The following APLP2 variants were observed in gnomAD, a reference collection of about 807,000 sequenced individuals.
APLP2 encodes CDEI box-binding protein.
In APLP2, 53 loss-of-function variants were observed where a neutral mutation model predicts 89.9. The observed-to-expected ratio is 0.59, with a 90% confidence interval of 0.47 to 0.74. The LOEUF (loss-of-function observed/expected upper bound fraction) is 0.74. APLP2 is among the 30% of genes least tolerant of loss of function. The probability of loss-of-function intolerance (pLI) is 0.00; values close to 1 mark genes in which losing one functional copy is unlikely to be tolerated. For missense variants in APLP2, 973 were observed against 975.9 expected (o/e 1.00, Z 0.04); for synonymous variants, 372 against 348.6 (o/e 1.07, Z -0.75).
intron 1 of APLP2, among the ~76,000 whole-genome samples, chr11:130,093,851 C>A (rs555744321): frequency 7.6e-4 from 115 of 152,196 alleles, no homozygotes; most frequent in African/African-American, 2.7e-3. Context: ...TCAAGCTATG[C>A]TCCTGCCTCA....
At chr11:130,134,116 C>T (rs1446103846) in intron 12 of APLP2, among the ~76,000 whole-genome samples, 1 of 152,170 alleles carries the variant, frequency 6.6e-6, no homozygotes, top group Non-Finnish European at 1.5e-5. Flanking sequence ...TTCATTTATT[C>T]AACAAGTTTT....
At chr11:130,135,092 G>A (rs535484508) in intron 12 of APLP2, among the ~76,000 whole-genome samples, 1 of 150,598 alleles carries the variant, frequency 6.6e-6, no homozygotes, top group Admixed American at 6.6e-5. Context: ...TTGTAGTTAC[G>A]TGGGGTGGAT....
intron 7 of APLP2, among the ~76,000 whole-genome samples, chr11:130,126,388 G>A (rs934517606): frequency 2.6e-5 from 4 of 152,144 alleles, no homozygotes; most frequent in African/African-American, 4.8e-5. Flanking sequence ...TCCAGGGTTC[G>A]AGCACTGAAG....
intron 3 of APLP2, among the ~76,000 whole-genome samples, chr11:130,117,120 G>A (rs772667971): frequency 3.6e-4 from 54 of 151,898 alleles, no homozygotes; most frequent in Non-Finnish European, 4.4e-4. Context: ...GATGGTGTGA[G>A]ACTCCATCTT....
intron 1 of APLP2, among the ~76,000 whole-genome samples, chr11:130,104,628 T>G (rs962935173): frequency 6.6e-6 from 1 of 152,172 alleles, no homozygotes; most frequent in Non-Finnish European, 1.5e-5. Flanking sequence ...TACCTATGAA[T>G]AGGTGTGTGT....
intron 1 of APLP2, 174 bp from the exon 2 acceptor site, chr11:130,109,255 C>T (rs2054250): frequency 0.036 from 17,659 of 491,962 alleles, 1,435 homozygotes; most frequent in East Asian, 0.22. Context: ...CATACACATC[C>T]AGAAGTCACT....
Position 130,109,419 on chromosome 11 carries a change from C to G in APLP2, c.106-10C>G. The G allele has an allele frequency of 6.2e-7, 1 of 1,601,786 alleles. No homozygotes were observed. Among genetic ancestry groups the G allele is most frequent in the Non-Finnish European group, 8.5e-7 (1 of 1,174,998 alleles). On this transcript the variant is annotated splice_polypyrimidine_tract_variant and intron_variant, in intron 1 of 16. Coordinates refer to ENST00000338167, the MANE Select transcript of APLP2 (RefSeq NM_001142276.2). Reference sequence around the variant, plus strand: ...TTGGAGTAAACCTGCAATTTTTTTCCCTTTGGTAGGCTCTTGCAGCCAATG... The same window carrying G: ...TTGGAGTAAACCTGCAATTTTTTTCGCTTTGGTAGGCTCTTGCAGCCAATG...
chr11:130,124,164 A>C (rs565630485), intron 7 of APLP2, among the ~76,000 whole-genome samples: 1 of 152,280 alleles, frequency 6.6e-6, no homozygotes, highest in South Asian at 2.1e-4. Flanking sequence ...AGAGGCACTG[A>C]ACATTCCTGT....
chr11:130,117,998 A>T (rs2135906417), intron 3 of APLP2, among the ~76,000 whole-genome samples: 1 of 149,950 alleles, frequency 6.7e-6, no homozygotes, highest in East Asian at 2.0e-4. Flanking sequence ...AATCACTTGA[A>T]CCCGGGAGGC....
rs1225647059 is a variant in APLP2, at chr11:130,144,578, T to G, written c.*1130T>G. On this transcript the variant is annotated 3_prime_UTR_variant, in exon 17 of 17. Transcript: ENST00000338167. ...ACAGTTGATGTCGATGCTCACTGCT[T>G]CTGCTTTTTCTTTCTTTTTATTTTA... is the stretch of plus-strand genomic sequence containing the variant. The G allele has an allele frequency of 6.6e-6, 1 of 152,532 alleles. No individual in the cohort carries two copies. The highest frequency in any genetic ancestry group is 6.5e-5 in the Admixed American group (1 of 15,278). 9.4% of individuals were successfully genotyped at this position (152,532 alleles called of 1,614,324 possible).
intron 10 of APLP2, among the ~76,000 whole-genome samples, 197 bp downstream of exon 10, chr11:130,129,403 T>C (rs1225300471): frequency 6.6e-6 from 1 of 152,232 alleles, no homozygotes; most frequent in Non-Finnish European, 1.5e-5. Context: ...GCTTTATGCC[T>C]GCGTATACCA....
intron 3 of APLP2, among the ~76,000 whole-genome samples, chr11:130,118,242 T>G (rs1038989195): frequency 1.3e-5 from 2 of 152,238 alleles, no homozygotes; most frequent in Non-Finnish European, 1.5e-5. Context: ...ATGAGTATGG[T>G]TGAATAGTTC....
At chr11:130,129,896 TA>T in intron 10 of APLP2, 141 bp from the exon 11 acceptor site, 8 of 959,478 alleles carry the variant, frequency 8.3e-6, no homozygotes, top group Non-Finnish European at 9.3e-6. Context: ...CTTGGTAAGC[TA>T]AAAAAGCCTT....
intron 1 of APLP2, among the ~76,000 whole-genome samples, chr11:130,091,278 C>T (rs1945082782): frequency 7.1e-6 from 1 of 141,544 alleles, no homozygotes; most frequent in African/African-American, 2.7e-5. Flanking sequence ...GCTGACCCCC[C>T]CACCTCCCTC....
chr11:130,070,808 A>G lies in APLP2; in HGVS notation c.105+726A>G, dbSNP rs1940876950. On this transcript the variant is annotated intron_variant, in intron 1 of 16. Transcript: ENST00000338167. Reference sequence around the variant, plus strand: ...AGGGAAGGTGCCCGCGAAGGCGTGTAAACTGTTGGAAAAATCGTCCTCTTC... The same window carrying G: ...AGGGAAGGTGCCCGCGAAGGCGTGTGAACTGTTGGAAAAATCGTCCTCTTC... The G allele has an allele frequency of 3.9e-6, 5 of 1,273,462 alleles. No homozygotes were observed. In the East Asian group the frequency reaches 1.6e-4, roughly 40 times the overall value. 78.9% of individuals were successfully genotyped at this position (1,273,462 alleles called of 1,614,324 possible). A position where few individuals can be genotyped will look rare whatever the true frequency, so the allele number is the denominator to read the frequency against.
In APLP2 at chr11:130,070,613, A is replaced by T. The variant is rs912104242; in HGVS notation, c.105+531A>T. On this transcript the variant is annotated intron_variant, in intron 1 of 16. Transcript: ENST00000338167. ...GCCCCGGCCTTCGCGCGCGGCAGGG[A>T]TGCTGCGAGCCCCGGGGGAGCTCCC... 1.1e-5 allele frequency: 16 copies of T among 1,420,628 alleles called. No homozygotes were observed. The African/African-American group carries it at 2.2e-4, about 20-fold the overall frequency. 88.0% of individuals were successfully genotyped at this position (1,420,628 alleles called of 1,614,324 possible). A position where few individuals can be genotyped will look rare whatever the true frequency, so the allele number is the denominator to read the frequency against.
intron 9 of APLP2, among the ~76,000 whole-genome samples, chr11:130,128,277 T>G (rs1275080809): frequency 4.6e-5 from 7 of 152,198 alleles, no homozygotes; most frequent in Admixed American, 4.6e-4. Context: ...GCATTCCCCT[T>G]CAGTAGAAGA....
chr11:130,105,239 C>T (rs1947501641), intron 1 of APLP2, among the ~76,000 whole-genome samples: 2 of 152,122 alleles, frequency 1.3e-5, no homozygotes, highest in Admixed American at 6.6e-5. Flanking sequence ...ACAATGAGAC[C>T]CCATCTCTAC....
chr11:130,136,615 G>T (rs1951646292), intron 13 of APLP2, among the ~76,000 whole-genome samples: 1 of 152,126 alleles, frequency 6.6e-6, no homozygotes, highest in African/African-American at 2.4e-5. Flanking sequence ...GGGGTGGGGG[G>T]ATGGAGGTAC....
Sources: gnomAD v4.1 joint callset for allele counts (sites outside exome capture counted in the v4.1 genomes callset) on GRCh38, gnomAD v4.1.1 for gene constraint, MANE v1.5 for transcripts, NCBI Gene and HGNC (gene_info 2026-07-23, HGNC 2026-07-21) for gene names.